DSCAML1: variants seen among roughly 807,000 people sequenced by gnomAD.
The protein encoded by DSCAML1 is DS cell adhesion molecule like 1, also known as cell adhesion molecule DSCAML1.
Under a neutral mutation model 200.5 loss-of-function variants are expected in DSCAML1, and 38 were observed. The observed-to-expected ratio is 0.19, with a 90% CI of 0.15 to 0.25. The LOEUF is 0.25. Among genes scored for constraint, DSCAML1 ranks in the 10% least tolerant of loss-of-function variants. DSCAML1 has a pLI of 1.00. For missense variants in DSCAML1, 2,223 were observed against 2,858.8 expected (o/e 0.78, Z 5.07); for synonymous variants, 1,215 against 1,165.0 (o/e 1.04, Z -0.87).
chr11:117,546,018 G>C (rs899031292), intron 3 of DSCAML1, among the ~76,000 whole-genome samples: 16 of 152,212 alleles, frequency 1.1e-4, no homozygotes, highest in Non-Finnish European at 4.4e-5. Context: ...TCGGCTATGC[G>C]AACTTGTGCG....
At chr11:117,651,894 G>A (rs1479966382) in intron 3 of DSCAML1, among the ~76,000 whole-genome samples, 1 of 152,176 alleles carries the variant, frequency 6.6e-6, no homozygotes, top group African/African-American at 2.4e-5. Flanking sequence ...AAACAGCGGG[G>A]ATGACAATGC....
chr11:117,514,590 T>C (rs2049718587), intron 8 of DSCAML1, among the ~76,000 whole-genome samples: 1 of 139,574 alleles, frequency 7.2e-6, no homozygotes, highest in Non-Finnish European at 1.5e-5. Context: ...TTTTTTTTTT[T>C]TTTTTTTTTG....
chr11:117,739,308 A>T (rs2054379549), intron 3 of DSCAML1, among the ~76,000 whole-genome samples: 1 of 152,150 alleles, frequency 6.6e-6, no homozygotes, highest in Admixed American at 6.5e-5. Flanking sequence ...ATCACCTGAG[A>T]GACTGTTAGA....
intron 3 of DSCAML1, among the ~76,000 whole-genome samples, chr11:117,580,268 T>G (rs2051016577): frequency 1.3e-5 from 2 of 152,238 alleles, no homozygotes; most frequent in Admixed American, 1.3e-4. Flanking sequence ...TCATTCCTTC[T>G]TTGCACATGG....
intron 3 of DSCAML1, among the ~76,000 whole-genome samples, chr11:117,612,451 C>A (rs997280466): frequency 6.6e-6 from 1 of 152,186 alleles, no homozygotes; most frequent in East Asian, 1.9e-4. Context: ...CCTACCCCCG[C>A]CCCTAACACA....
chr11:117,711,242 A>G (rs2053843694), intron 3 of DSCAML1, among the ~76,000 whole-genome samples: 1 of 152,186 alleles, frequency 6.6e-6, no homozygotes, highest in African/African-American at 2.4e-5. Flanking sequence ...GTTGTGGCCC[A>G]GCTTTTTTCC....
At chr11:117,694,533 C>T (rs777319506) in intron 3 of DSCAML1, among the ~76,000 whole-genome samples, 19 of 152,206 alleles carry the variant, frequency 1.2e-4, no homozygotes, top group Non-Finnish European at 7.3e-5. Context: ...CAGACCATCT[C>T]CTTTCAAATG....
chr11:117,555,396 C>G lies in DSCAML1; in HGVS notation c.512-22874G>C, dbSNP rs73591023. On this transcript the variant is annotated intron_variant, in intron 3 of 32. Transcript: ENST00000651296. The stretch of plus-strand genomic sequence containing the variant: ...GGCTCAGGATCTGCGGAGGTGGATA[C>G]AGACCCAGAAACAAACTCCCTGACA... Among the ~76,000 whole-genome samples the G allele has an allele frequency of 4.1e-3, 630 of 152,260 alleles. 7 individuals are homozygous for G. The highest frequency in any genetic ancestry group is 0.013 in the African/African-American group (550 of 41,528).
intron 3 of DSCAML1, among the ~76,000 whole-genome samples, chr11:117,535,912 G>C (rs1296452596): frequency 4.1e-5 from 5 of 122,780 alleles, no homozygotes; most frequent in African/African-American, 1.5e-4. Context: ...GGGGGGTGGG[G>C]GGCTGATGCT....
intron 20 of DSCAML1, among the ~76,000 whole-genome samples, chr11:117,445,285 T>TTCC (rs1196848830): frequency 6.6e-6 from 1 of 152,192 alleles, no homozygotes; most frequent in African/African-American, 2.4e-5. Context: ...CCCTGGCATA[T>TTCC]TCCTCCTGCC....
intron 21 of DSCAML1, 96 bp from the exon 22 acceptor site, chr11:117,440,032 C>T (rs2048011460): frequency 2.8e-6 from 3 of 1,083,238 alleles, no homozygotes; most frequent in Non-Finnish European, 2.8e-6. Context: ...AGTTCAAATC[C>T]TCCCTCCCCG....
intron 3 of DSCAML1, among the ~76,000 whole-genome samples, chr11:117,564,530 C>T (rs1382556970): frequency 1.3e-5 from 2 of 152,162 alleles, no homozygotes; most frequent in African/African-American, 4.8e-5. Context: ...TGCAAAGCAC[C>T]CTCCTGCCTC....
At chr11:117,522,313 A>C (rs1006597082) in intron 5 of DSCAML1, among the ~76,000 whole-genome samples, 2 of 152,140 alleles carry the variant, frequency 1.3e-5, no homozygotes, top group African/African-American at 2.4e-5. Context: ...CTGTCTCTTC[A>C]TCACCTCTTT....
At chr11:117,658,403 T>C (rs1782996792) in intron 3 of DSCAML1, among the ~76,000 whole-genome samples, 1 of 152,144 alleles carries the variant, frequency 6.6e-6, no homozygotes, top group Non-Finnish European at 1.5e-5. Flanking sequence ...TCCTTCATAA[T>C]TTATAGATTG....
intron 3 of DSCAML1, among the ~76,000 whole-genome samples, chr11:117,591,756 C>T (rs1288635612): frequency 6.6e-6 from 1 of 152,198 alleles, no homozygotes; most frequent in Admixed American, 6.5e-5. Context: ...CCAGGGTCCC[C>T]GTGCACTGCC....
intron 1 of DSCAML1, among the ~76,000 whole-genome samples, chr11:117,792,117 T>C (rs2055477730): frequency 6.6e-6 from 1 of 152,216 alleles, no homozygotes; most frequent in Non-Finnish European, 1.5e-5. Context: ...TGGTTGAAGC[T>C]CTGCCCTCTG....
chr11:117,617,679 C>T (rs1166765342), intron 3 of DSCAML1, among the ~76,000 whole-genome samples: 5 of 101,448 alleles, frequency 4.9e-5, no homozygotes, highest in African/African-American at 1.1e-4. Flanking sequence ...CACAGGTACA[C>T]GCACACACAC....
intron 3 of DSCAML1, among the ~76,000 whole-genome samples, chr11:117,543,307 G>A (rs1468371583): frequency 6.6e-6 from 1 of 152,206 alleles, no homozygotes; most frequent in Non-Finnish European, 1.5e-5. Flanking sequence ...GGCATGTTGT[G>A]TACCTGCACT....
intron 16 of DSCAML1, among the ~76,000 whole-genome samples, chr11:117,466,966 T>C (rs1468583692): frequency 6.6e-6 from 1 of 152,088 alleles, no homozygotes; most frequent in Non-Finnish European, 1.5e-5. Context: ...AGGCCAGGGA[T>C]TGGGGAATGG....
Sources: gnomAD v4.1 joint callset for allele counts (sites outside exome capture counted in the v4.1 genomes callset) on GRCh38, gnomAD v4.1.1 for gene constraint, MANE v1.5 for transcripts, NCBI Gene and HGNC (gene_info 2026-07-23, HGNC 2026-07-21) for gene names.